Variants in KIAA1217 observed in about 807,000 individuals in gnomAD.
KIAA1217 encodes KIAA1217, also known as sickle tail protein homolog.
A neutral mutation model predicts 163.9 loss-of-function variants in KIAA1217; 88 were observed. The ratio of observed to expected loss-of-function variants is 0.54; its 90% CI spans 0.45 to 0.64. The LOEUF is 0.64. Among genes scored for constraint, KIAA1217 ranks in the 30% least tolerant of loss-of-function variants. The probability of loss-of-function intolerance (pLI) is 0.00; values close to 1 mark genes in which losing one functional copy is unlikely to be tolerated. For missense variants in KIAA1217, 2,372 were observed against 2,475.0 expected (o/e 0.96, Z 0.88); for synonymous variants, 903 against 923.1 (o/e 0.98, Z 0.39).
At chr10:24,179,547 T>A (rs1418552326) in intron 2 of KIAA1217, among the ~76,000 whole-genome samples, 2 of 152,160 alleles carry the variant, frequency 1.3e-5, no homozygotes, top group Non-Finnish European at 2.9e-5. Context: ...CAATTAAACC[T>A]CTTCTCCCTT....
At chr10:24,115,302 T>A (rs561158681) in intron 2 of KIAA1217, among the ~76,000 whole-genome samples, 7 of 152,250 alleles carry the variant, frequency 4.6e-5, no homozygotes, top group Admixed American at 3.3e-4. Context: ...TCATGGAAAG[T>A]CAGGTTTGCA....
chr10:23,972,963 G>A (rs954679892), intron 1 of KIAA1217, among the ~76,000 whole-genome samples: 7 of 152,152 alleles, frequency 4.6e-5, no homozygotes, highest in Non-Finnish European at 5.9e-5. Context: ...GTTGGGGTTT[G>A]GGGGTGAGGG....
chr10:24,185,151 G>T (rs183909707), intron 2 of KIAA1217, among the ~76,000 whole-genome samples: 19 of 152,064 alleles, frequency 1.2e-4, no homozygotes, highest in Admixed American at 1.2e-3. Flanking sequence ...GCTAAAGAGG[G>T]AACTCTCAGA....
At chr10:24,013,567 C>G (rs1317602580) in intron 2 of KIAA1217, among the ~76,000 whole-genome samples, 1 of 152,056 alleles carries the variant, frequency 6.6e-6, no homozygotes, top group Non-Finnish European at 1.5e-5. Context: ...GAATCAACTG[C>G]ATTTGATTGA....
intron 5 of KIAA1217, among the ~76,000 whole-genome samples, chr10:24,441,633 C>T (rs542337272): frequency 1.3e-5 from 2 of 152,206 alleles, no homozygotes; most frequent in South Asian, 2.1e-4. Flanking sequence ...TTGTGGTTCT[C>T]GGCTGGAACT....
chr10:23,714,219 A>G (rs1163001427), intron 1 of KIAA1217, among the ~76,000 whole-genome samples: 1 of 148,860 alleles, frequency 6.7e-6, no homozygotes, highest in East Asian at 1.9e-4. Flanking sequence ...AGCGTTCATG[A>G]TGTTTCAGCT....
intron 5 of KIAA1217, among the ~76,000 whole-genome samples, chr10:24,440,369 T>C (rs1249960571): frequency 6.6e-6 from 1 of 152,214 alleles, no homozygotes; most frequent in African/African-American, 2.4e-5. Context: ...AATATCTTTA[T>C]TTTTTGCTAT....
At chr10:24,216,637 G>T (rs933827676) in intron 1 of KIAA1217, among the ~76,000 whole-genome samples, 2 of 151,726 alleles carry the variant, frequency 1.3e-5, no homozygotes, top group Non-Finnish European at 1.5e-5. Flanking sequence ...GACCAGCCTG[G>T]CCAACATGGT....
chr10:24,035,046 G>A (rs1848336104), intron 2 of KIAA1217, among the ~76,000 whole-genome samples: 1 of 152,190 alleles, frequency 6.6e-6, no homozygotes, highest in African/African-American at 2.4e-5. Flanking sequence ...CAGTGTTTGT[G>A]TGGATTGCGG....
intron 2 of KIAA1217, among the ~76,000 whole-genome samples, chr10:24,193,909 C>A (rs2066852117): frequency 6.8e-6 from 1 of 146,942 alleles, no homozygotes. Flanking sequence ...TAAAATAGGC[C>A]AGGTGCGGTG....
In KIAA1217 at chr10:24,543,559, A is replaced by G. The variant is rs373558545; in HGVS notation, c.4289A>G (p.Asp1430Gly). ...ATGACCCCCCGACAAGAAGGGACTG[A>G]CAATGAGGATCCAGTCGTGTGCCTG... is the stretch of plus-strand genomic sequence containing the variant. ...KEMTPRQEGT[D>G]NEDPVVCLDK... Residue 1430 changes from aspartate (D) to glycine (G), a missense_variant, in exon 19 of 21, where the codon GAC becomes GGC. By Grantham distance (94) the Asp-to-Gly change is moderately conservative. This residue lies in a region of KIAA1217 where 690 missense variants were observed against 677.5 expected (regional missense o/e 1.02). Transcript: ENST00000376454. 4.3e-6 allele frequency: 7 copies of G among 1,614,178 alleles called. No individual in the cohort carries two copies. In the African/African-American group the frequency reaches 6.7e-5, roughly 15 times the overall value.
chr10:24,182,566 T>C (rs1199600091), intron 2 of KIAA1217, among the ~76,000 whole-genome samples: 2 of 152,186 alleles, frequency 1.3e-5, no homozygotes, highest in African/African-American at 2.4e-5. Flanking sequence ...TGAGTCTCTT[T>C]GCATGGATTG....
chr10:24,106,228 A>G (rs1361619262), intron 2 of KIAA1217, among the ~76,000 whole-genome samples: 1 of 152,134 alleles, frequency 6.6e-6, no homozygotes, highest in African/African-American at 2.4e-5. Context: ...GATGGCACCT[A>G]GAAAAGGATT....
intron 5 of KIAA1217, among the ~76,000 whole-genome samples, chr10:24,450,793 T>G (rs2061326076): frequency 6.6e-6 from 1 of 152,218 alleles, no homozygotes; most frequent in African/African-American, 2.4e-5. Flanking sequence ...CACACACTTG[T>G]AAGTAACAGA....
At chr10:24,121,593 G>A (rs2063283653) in intron 2 of KIAA1217, among the ~76,000 whole-genome samples, 1 of 152,132 alleles carries the variant, frequency 6.6e-6, no homozygotes, top group African/African-American at 2.4e-5. Context: ...CATGAAACAT[G>A]TTTTAAGTAA....
chr10:23,972,488 C>T (rs1845356054), intron 1 of KIAA1217, among the ~76,000 whole-genome samples: 1 of 152,088 alleles, frequency 6.6e-6, no homozygotes, highest in African/African-American at 2.4e-5. Flanking sequence ...TGGAAGCCAT[C>T]ATTCTCAGCA....
chr10:24,262,742 G>A (rs2075848554), intron 2 of KIAA1217, among the ~76,000 whole-genome samples: 2 of 151,852 alleles, frequency 1.3e-5, no homozygotes, highest in African/African-American at 2.4e-5. Flanking sequence ...TAAAAGTACT[G>A]TAAGTCCACC....
At chr10:24,154,020 G>C (rs931256208) in intron 2 of KIAA1217, among the ~76,000 whole-genome samples, 1 of 150,462 alleles carries the variant, frequency 6.6e-6, no homozygotes, top group Non-Finnish European at 1.5e-5. Context: ...TGCAGTGGCG[G>C]GATCTCGGCT....
At chr10:24,134,786 A>C (rs2063775415) in intron 2 of KIAA1217, among the ~76,000 whole-genome samples, 1 of 152,144 alleles carries the variant, frequency 6.6e-6, no homozygotes, top group African/African-American at 2.4e-5. Flanking sequence ...TGTGTTGCCC[A>C]AGCTGATCTC....
Sources: allele counts gnomAD v4.1 joint callset (sites outside exome capture counted in the v4.1 genomes callset), GRCh38; gene constraint gnomAD v4.1.1; regional missense constraint gnomAD v4.1.1; transcripts MANE v1.5; gene names NCBI Gene and HGNC (gene_info 2026-07-23, HGNC 2026-07-21).